Variants in RELL1 observed in about 807,000 individuals in gnomAD.
RELL1 encodes RELT-like protein 1.
In RELL1, 10 loss-of-function variants were observed where a neutral mutation model predicts 23.0. That is an observed-to-expected ratio of 0.43 (90% CI 0.27 to 0.74). The LOEUF (loss-of-function observed/expected upper bound fraction) is 0.74, where lower values mean the gene tolerates loss of function less well. Ranked by LOEUF, RELL1 falls within the 30% of genes least tolerant of loss-of-function variation. The pLI is 0.19. For missense variants in RELL1, 315 were observed against 364.4 expected (o/e 0.86, Z 1.10); for synonymous variants, 146 against 146.8 (o/e 0.99, Z 0.04).
chr4:37,632,084 G>GAAAAAAAAAA, intron 5 of RELL1, among the ~76,000 whole-genome samples: 1 of 44,458 alleles, frequency 2.2e-5, no homozygotes, highest in Non-Finnish European at 3.6e-5. Flanking sequence ...TCTCAATAAG[G>GAAAAAAAAAA]AAAAAAAAAA....
intron 2 of RELL1, among the ~76,000 whole-genome samples, chr4:37,648,322 C>T (rs1720779808): frequency 6.6e-6 from 1 of 152,216 alleles, no homozygotes; most frequent in African/African-American, 2.4e-5. Context: ...ACTCATCATG[C>T]AATCCTGTTC....
At chr4:37,596,405 C>T (rs890426296) in intron 6 of RELL1, among the ~76,000 whole-genome samples, 6 of 150,690 alleles carry the variant, frequency 4.0e-5, no homozygotes, top group Non-Finnish European at 8.8e-5. Flanking sequence ...AGTAATTCTC[C>T]GCACTTGGAG....
At chr4:37,600,086 G>A (rs528864847) in intron 6 of RELL1, among the ~76,000 whole-genome samples, 108 of 152,100 alleles carry the variant, frequency 7.1e-4, no homozygotes, top group African/African-American at 1.2e-3. Context: ...CCTGGCCAAC[G>A]TGGCAAAACC....
At chr4:37,655,992 C>G (rs1721103182) in intron 1 of RELL1, among the ~76,000 whole-genome samples, 1 of 152,208 alleles carries the variant, frequency 6.6e-6, no homozygotes. Flanking sequence ...CTAGAAATCC[C>G]ACTTCTGGGT....
intron 1 of RELL1, among the ~76,000 whole-genome samples, chr4:37,669,452 G>A (rs1229016210): frequency 1.3e-5 from 2 of 151,332 alleles, no homozygotes; most frequent in Non-Finnish European, 3.0e-5. Flanking sequence ...CGTCCGGGAG[G>A]TGAGGGGCGC....
chr4:37,628,201 T>G (rs185878889), intron 6 of RELL1, among the ~76,000 whole-genome samples: 1 of 152,204 alleles, frequency 6.6e-6, no homozygotes, highest in African/African-American at 2.4e-5. Flanking sequence ...GCTCTACTCA[T>G]GGGACCTGCT....
chr4:37,621,208 G>A (rs1434183551), intron 6 of RELL1, among the ~76,000 whole-genome samples: 3 of 152,210 alleles, frequency 2.0e-5, no homozygotes, highest in Non-Finnish European at 4.4e-5. Flanking sequence ...TGTAATCCCA[G>A]CACTTTCGGA....
chr4:37,625,226 T>G (rs552931156), intron 6 of RELL1, among the ~76,000 whole-genome samples: 10 of 152,348 alleles, frequency 6.6e-5, no homozygotes, highest in African/African-American at 2.4e-4. Context: ...TATGAATTTT[T>G]GTTTTGATAA....
Position 37,610,816 on chromosome 4 carries a change from T to C in RELL1, c.*2530A>G, listed in dbSNP as rs1719349051. On this transcript the variant is annotated 3_prime_UTR_variant, in exon 7 of 7. Coordinates refer to ENST00000454158, the MANE Select transcript of RELL1 (RefSeq NM_001085400.2). This position sits in a 1 kb window ranked among gnomAD's most constrained non-coding sequence, Gnocchi z 4.1. ...AAAGTTGTCCATCATTAGTGTTTTC[T>C]AGAGAAAGTCTGTTGTGGATTCCCT... Among the ~76,000 whole-genome samples, 1 of 152,212 alleles carries C rather than the reference T, an allele frequency of 6.6e-6. No individual in the cohort carries two copies. The highest frequency in any genetic ancestry group is 2.4e-5 in the African/African-American group (1 of 41,450).
At chr4:37,641,602 G>A (rs973662705) in intron 3 of RELL1, among the ~76,000 whole-genome samples, 2 of 152,102 alleles carry the variant, frequency 1.3e-5, no homozygotes, top group African/African-American at 4.8e-5. Flanking sequence ...CTAGGCACAG[G>A]GCAAGGAAAC....
intron 6 of RELL1, among the ~76,000 whole-genome samples, chr4:37,597,055 A>C (rs1017313531): frequency 1.3e-5 from 2 of 151,544 alleles, no homozygotes; most frequent in Non-Finnish European, 2.9e-5. Flanking sequence ...GCCCGGGCCA[A>C]TATTTTTGAA....
chr4:37,649,153 A>G (rs1049291989), intron 2 of RELL1, 123 bp downstream of exon 2: 61 of 812,696 alleles, frequency 7.5e-5, no homozygotes, highest in Non-Finnish European at 1.1e-4. Flanking sequence ...CACTTACACT[A>G]CACTGCACCA....
intron 6 of RELL1, chr4:37,622,712 G>A (rs978521116): frequency 4.6e-6 from 2 of 431,986 alleles, no homozygotes. Context: ...AGCTCTGTAA[G>A]AGTATGGTCT....
intron 6 of RELL1, among the ~76,000 whole-genome samples, chr4:37,593,207 G>A (rs1004280218): frequency 6.6e-6 from 1 of 152,158 alleles, no homozygotes; most frequent in Non-Finnish European, 1.5e-5. Flanking sequence ...AAGTGTATCA[G>A]TTGAGATTAT....
At chr4:37,598,078 A>AATATATATATATATATATCATAATATAT (rs138367525) in intron 6 of RELL1, among the ~76,000 whole-genome samples, 1 of 126,752 alleles carries the variant, frequency 7.9e-6, no homozygotes, top group Non-Finnish European at 1.6e-5. Flanking sequence ...TATATATCAT[A>AATATATATATATATATATCATAATATAT]ATATATATAT....
intron 1 of RELL1, among the ~76,000 whole-genome samples, chr4:37,658,255 C>A (rs553411118): frequency 1.1e-4 from 16 of 152,166 alleles, no homozygotes; most frequent in African/African-American, 3.4e-4. Flanking sequence ...GCATGCCATG[C>A]AGGCTGGAAA....
At chr4:37,590,453 C>T (rs114589329), downstream of RELL1, 1,722 of 1,610,732 alleles carry the variant, frequency 1.1e-3, 1 homozygote, top group Non-Finnish European at 1.3e-3. Flanking sequence ...GTTCCCCCAA[C>T]TCAACCCTTC....
At chr4:37,590,982 T>C (rs1340844218) in exon 7 of RELL1, 2 of 1,611,884 alleles carry the variant, frequency 1.2e-6, no homozygotes, top group Non-Finnish European at 1.7e-6. Flanking sequence ...CAGGAGAAGA[T>C]TTGGATGAGA....
chr4:37,591,779 A>G (rs1267614452), intron 6 of RELL1: 1 of 152,242 alleles, frequency 6.6e-6, no homozygotes, highest in Non-Finnish European at 1.5e-5. Context: ...CATATATGCA[A>G]TGTTTTTATG....
Sources: allele counts gnomAD v4.1 joint callset (sites outside exome capture counted in the v4.1 genomes callset), GRCh38; gene constraint gnomAD v4.1.1; non-coding constraint Gnocchi (gnomAD v3.1); transcripts MANE v1.5; gene names NCBI Gene and HGNC (gene_info 2026-07-23, HGNC 2026-07-21).